Variants in HDAC4 observed in about 807,000 individuals in gnomAD.
HDAC4 encodes the protein histone deacetylase A.
A neutral mutation model predicts 135.1 loss-of-function variants in HDAC4; 16 were observed. The observed-to-expected ratio is 0.12, with a 90% CI of 0.08 to 0.18. HDAC4 has a LOEUF of 0.18. Among genes scored for constraint, HDAC4 ranks in the 10% least tolerant of loss-of-function variants. The probability of loss-of-function intolerance (pLI) is 1.00; values close to 1 mark genes in which losing one functional copy is unlikely to be tolerated. For missense variants in HDAC4, 1,143 were observed against 1,511.8 expected (o/e 0.76, Z 4.05); for synonymous variants, 685 against 653.4 (o/e 1.05, Z -0.74).
intron 2 of HDAC4, among the ~76,000 whole-genome samples, chr2:239,286,822 G>C (rs1199995448): frequency 1.3e-5 from 2 of 152,102 alleles, no homozygotes; most frequent in Admixed American, 6.6e-5. Context: ...AGGAGAAAAA[G>C]AAAACTCACC....
chr2:239,184,312 AG>A (rs1322292141), intron 4 of HDAC4, among the ~76,000 whole-genome samples: 2 of 147,982 alleles, frequency 1.4e-5, no homozygotes, highest in East Asian at 2.0e-4. Flanking sequence ...TCTGTCCTGG[AG>A]GATGTGTCCT....
rs2052089231 is a variant in HDAC4, at chr2:239,299,065, T to C, written c.22+53613A>G. On this transcript the variant is annotated intron_variant, in intron 2 of 26. Transcript: ENST00000543185. This position sits in a 1 kb window ranked among gnomAD's most constrained non-coding sequence, Gnocchi z 4.0. Reference sequence around the variant, plus strand: ...TTGTATTTTTAGTAGAGACGGGGTTTCATGTTAGCCAGGATGGTCTCGATC... The same window carrying C: ...TTGTATTTTTAGTAGAGACGGGGTTCCATGTTAGCCAGGATGGTCTCGATC... Among the ~76,000 whole-genome samples the C allele has an allele frequency of 6.6e-6, 1 of 152,042 alleles. No homozygotes were observed. Among genetic ancestry groups the C allele is most frequent in the Non-Finnish European group, 1.5e-5 (1 of 68,014 alleles).
chr2:239,139,174 G>T lies in HDAC4; in HGVS notation c.978+510C>A, dbSNP rs1315290640. On this transcript the variant is annotated intron_variant, in intron 9 of 26. Transcript: ENST00000543185. This position sits in a 1 kb window ranked among gnomAD's most constrained non-coding sequence, Gnocchi z 5.3. ...GCCGGCCCTGCCATGCTGACCACGG[G>T]TGACGCTCCAGTCGGCCCTGACACA... Among the ~76,000 whole-genome samples, 2 of 152,196 alleles carry T rather than the reference G, an allele frequency of 1.3e-5. No individual in the cohort carries two copies. The highest frequency in any genetic ancestry group is 3.8e-4 in the East Asian group (2 of 5,198).
At position 239,349,235 on chromosome 2, in the gene HDAC4, G is replaced by C. The variant is rs1692945209; in HGVS notation, c.22+3443C>G. ...GGCCAGCTAGCAGAGGACGGCACGA[G>C]AGACACACGGAGGGAGGGGAGGTGC... On this transcript the variant is annotated intron_variant, in intron 2 of 26. Transcript: ENST00000543185. This position sits in a 1 kb window ranked among gnomAD's most constrained non-coding sequence, Gnocchi z 5.7. 6.6e-6 allele frequency among the ~76,000 whole-genome samples: 1 copy of C among 152,166 alleles called. No individual in the cohort carries two copies. Among genetic ancestry groups the C allele is most frequent in the Non-Finnish European group, 1.5e-5 (1 of 68,030 alleles).
chr2:239,056,965 A>G (rs1272641461), intron 24 of HDAC4, among the ~76,000 whole-genome samples: 1 of 152,162 alleles, frequency 6.6e-6, no homozygotes, highest in Non-Finnish European at 1.5e-5. Flanking sequence ...AAAAACCATG[A>G]AAGACTGAGA....
intron 2 of HDAC4, among the ~76,000 whole-genome samples, chr2:239,292,651 T>C (rs1261347176): frequency 6.6e-6 from 1 of 152,148 alleles, no homozygotes; most frequent in Non-Finnish European, 1.5e-5. Flanking sequence ...TCAGGTCAAA[T>C]AAGGCATGAT....
chr2:239,114,329 G>C (rs1418614515), intron 13 of HDAC4, among the ~76,000 whole-genome samples: 1 of 152,196 alleles, frequency 6.6e-6, no homozygotes, highest in Non-Finnish European at 1.5e-5. Flanking sequence ...GCTGCTGGAG[G>C]ATAGAATCAA....
At chr2:239,110,904 C>T (rs62189558) in intron 14 of HDAC4, among the ~76,000 whole-genome samples, 14,652 of 152,268 alleles carry the variant, frequency 0.096, 1,070 homozygotes, top group Admixed American at 0.24. Context: ...GTCCAGGGCC[C>T]GGCCCCTCCT....
At chr2:239,150,029 A>C (rs1007373708) in intron 7 of HDAC4, among the ~76,000 whole-genome samples, 1 of 152,228 alleles carries the variant, frequency 6.6e-6, no homozygotes, top group Non-Finnish European at 1.5e-5. Flanking sequence ...GTAACCAGAA[A>C]ACAGTCCAAC....
At chr2:239,335,199 T>C (rs1256446256) in intron 2 of HDAC4, among the ~76,000 whole-genome samples, 1 of 152,158 alleles carries the variant, frequency 6.6e-6, no homozygotes, top group Non-Finnish European at 1.5e-5. Flanking sequence ...AACAGACCAA[T>C]GAACTAGAAT....
intron 12 of HDAC4, 132 bp downstream of exon 12, chr2:239,126,324 G>A (rs2040183732): frequency 1.4e-6 from 2 of 1,455,876 alleles, no homozygotes; most frequent in Admixed American, 1.8e-5. Flanking sequence ...CAGAGCATGT[G>A]CCTCCTCGGT....
chr2:239,113,069 C>G lies in HDAC4; in HGVS notation c.1792-1357G>C, dbSNP rs145073442. The stretch of plus-strand genomic sequence containing the variant: ...GTGAAACCCCATCTCTCCAAAAAAA[C>G]AAACAAACAAAACAAACAAACAAAC... On this transcript the variant is annotated intron_variant, in intron 13 of 26. Transcript: ENST00000543185. Among the ~76,000 whole-genome samples, 1,269 of 152,212 alleles carry G rather than the reference C, an allele frequency of 8.3e-3. 16 individuals are homozygous for G. Among genetic ancestry groups the G allele is most frequent in the African/African-American group, 0.029 (1,216 of 41,526 alleles).
In HDAC4 at chr2:239,086,657, T is replaced by C. The variant is rs554556347; in HGVS notation, c.2444+902A>G. 2.0e-5 allele frequency among the ~76,000 whole-genome samples: 3 copies of C among 152,346 alleles called. No individual in the cohort carries two copies. The South Asian group carries it at 6.2e-4, about 32-fold the overall frequency. ...CTTCCCAGGGGTGACAGGGAGGCCC[T>C]TTCCCGGGCCCCTGCGGTTCTGTCT... is the stretch of plus-strand genomic sequence containing the variant. On this transcript the variant is annotated intron_variant, in intron 19 of 26. Coordinates refer to ENST00000543185, the MANE Select transcript of HDAC4 (RefSeq NM_001378414.1).
At chr2:239,081,820 G>A (rs751957347) in intron 21 of HDAC4, among the ~76,000 whole-genome samples, 16 of 152,200 alleles carry the variant, frequency 1.1e-4, no homozygotes, top group Non-Finnish European at 2.2e-4. Flanking sequence ...GGAGGAAAAC[G>A]GGCACCACAC....
chr2:239,254,532 A>AAC (rs1451466022), intron 2 of HDAC4, among the ~76,000 whole-genome samples: 8 of 152,220 alleles, frequency 5.3e-5, no homozygotes, highest in Non-Finnish European at 8.8e-5. Flanking sequence ...AATTGAGAAG[A>AAC]ACAGATTAGA....
chr2:239,228,077 G>A (rs1408197747), intron 3 of HDAC4, among the ~76,000 whole-genome samples: 1 of 152,152 alleles, frequency 6.6e-6, no homozygotes, highest in Non-Finnish European at 1.5e-5. Context: ...GCTGCAGGAA[G>A]GGCAGAGCCA....
intron 2 of HDAC4, among the ~76,000 whole-genome samples, chr2:239,296,726 C>T (rs1027400341): frequency 3.3e-5 from 5 of 152,124 alleles, no homozygotes; most frequent in African/African-American, 9.7e-5. Flanking sequence ...TGTCCACTGT[C>T]GGGCCCCGGA....
intron 6 of HDAC4, 89 bp from the exon 7 acceptor site, chr2:239,156,862 T>C (rs1575221551): frequency 6.6e-7 from 1 of 1,525,598 alleles, no homozygotes; most frequent in Non-Finnish European, 9.0e-7. Flanking sequence ...CGATGATCTT[T>C]CCCTTGAAAC....
At chr2:239,163,282 A>T (rs1315909360) in intron 6 of HDAC4, among the ~76,000 whole-genome samples, 1 of 152,238 alleles carries the variant, frequency 6.6e-6, no homozygotes, top group Non-Finnish European at 1.5e-5. Context: ...CGGAGCACAG[A>T]GGATTCAGAC....
Sources: allele counts gnomAD v4.1 joint callset (sites outside exome capture counted in the v4.1 genomes callset), GRCh38; gene constraint gnomAD v4.1.1; non-coding constraint Gnocchi (gnomAD v3.1); transcripts MANE v1.5; gene names NCBI Gene and HGNC (gene_info 2026-07-23, HGNC 2026-07-21).